GALNTL6: variants seen among roughly 807,000 people sequenced by gnomAD.
GALNTL6 encodes the protein polypeptide N-acetylgalactosaminyltransferase like 6, also known as polypeptide N-acetylgalactosaminyltransferase-like 6.
A neutral mutation model predicts 73.7 loss-of-function variants in GALNTL6; 46 were observed. That is an observed-to-expected ratio of 0.62 (90% CI 0.49 to 0.80). The LOEUF (loss-of-function observed/expected upper bound fraction) is 0.80, where lower values mean the gene tolerates loss of function less well. Among genes scored for constraint, GALNTL6 ranks in the 30% least tolerant of loss-of-function variants. The pLI, the probability that GALNTL6 is intolerant of heterozygous loss-of-function variation, is 0.00. For missense variants in GALNTL6, 604 were observed against 755.0 expected (o/e 0.80, Z 2.34); for synonymous variants, 259 against 263.7 (o/e 0.98, Z 0.17).
intron 2 of GALNTL6, among the ~76,000 whole-genome samples, chr4:172,021,171 G>T (rs1439329349): frequency 6.6e-6 from 1 of 152,002 alleles, no homozygotes; most frequent in Non-Finnish European, 1.5e-5. Flanking sequence ...ACTGCAGCTA[G>T]TGTCATATCG....
At chr4:172,238,631 A>G (rs915416875) in intron 3 of GALNTL6, among the ~76,000 whole-genome samples, 1 of 152,036 alleles carries the variant, frequency 6.6e-6, no homozygotes, top group Non-Finnish European at 1.5e-5. Flanking sequence ...GACTTTCAGT[A>G]CTATATTGAA....
At position 173,016,917 on chromosome 4, in the gene GALNTL6, G is replaced by T. The variant is rs186278701; in HGVS notation, c.1489-4559G>T. 4.3e-4 allele frequency among the ~76,000 whole-genome samples: 65 copies of T among 152,248 alleles called. No homozygotes were observed. The East Asian group carries it at 0.01, about 24-fold the overall frequency. On this transcript the variant is annotated intron_variant, in intron 11 of 12. Transcript: ENST00000506823. ...CCACATGTTGTGGGAGGGACCCAGT[G>T]GGAGGTAATTTGATCATGGGGGTGG...
intron 2 of GALNTL6, among the ~76,000 whole-genome samples, chr4:171,996,147 GA>G (rs574691963): frequency 5.1e-4 from 77 of 152,118 alleles, no homozygotes; most frequent in African/African-American, 1.7e-3. Flanking sequence ...GTGCTTCTCT[GA>G]AATAGTGATA....
intron 2 of GALNTL6, among the ~76,000 whole-genome samples, chr4:172,146,142 C>A (rs1208563801): frequency 6.6e-6 from 1 of 152,094 alleles, no homozygotes; most frequent in Non-Finnish European, 1.5e-5. Context: ...GAATAGAATT[C>A]CCTTATTACA....
intron 10 of GALNTL6, among the ~76,000 whole-genome samples, chr4:172,969,992 G>A (rs184899508): frequency 0.015 from 2,343 of 152,210 alleles, 24 homozygotes; most frequent in Non-Finnish European, 0.024. Context: ...GTGACATCAC[G>A]TATTGGTAGG....
chr4:172,873,033 A>C (rs561539258), intron 7 of GALNTL6, among the ~76,000 whole-genome samples: 1 of 152,342 alleles, frequency 6.6e-6, no homozygotes, highest in South Asian at 2.1e-4. Flanking sequence ...AGAAATCTGC[A>C]TGTATTATTC....
chr4:172,251,240 G>T (rs952651138), intron 3 of GALNTL6, among the ~76,000 whole-genome samples: 18 of 152,146 alleles, frequency 1.2e-4, no homozygotes, highest in Non-Finnish European at 2.2e-4. Flanking sequence ...AGGGAGGTTA[G>T]TCTTTGTCTT....
intron 2 of GALNTL6, among the ~76,000 whole-genome samples, chr4:171,846,887 CATAATTATATGTAATTATATATACAT>C (rs61579471): frequency 0.73 from 100,317 of 136,790 alleles, 37,870 homozygotes; most frequent in South Asian, 0.86. Flanking sequence ...ATTATATACA[CATAATTATATGTAATTATATATACAT>C]ATAATTATAT....
chr4:172,159,050 T>C (rs1457572809), intron 2 of GALNTL6, among the ~76,000 whole-genome samples: 2 of 152,222 alleles, frequency 1.3e-5, no homozygotes, highest in Non-Finnish European at 2.9e-5. Flanking sequence ...GTTCATTTTT[T>C]ATTTAGCCAC....
chr4:172,567,992 G>A (rs1241012295), intron 5 of GALNTL6, among the ~76,000 whole-genome samples: 2 of 152,108 alleles, frequency 1.3e-5, no homozygotes, highest in African/African-American at 4.8e-5. Flanking sequence ...AGTTGATATA[G>A]ATAACTAAAA....
chr4:172,088,733 A>G (rs1198717734), intron 2 of GALNTL6, among the ~76,000 whole-genome samples: 2 of 152,170 alleles, frequency 1.3e-5, no homozygotes, highest in Admixed American at 1.3e-4. Flanking sequence ...TCTCTTTAGC[A>G]TATCTGGTTT....
chr4:172,182,553 CAA>C (rs34354883), intron 2 of GALNTL6, among the ~76,000 whole-genome samples: 6,553 of 127,394 alleles, frequency 0.051, 155 homozygotes, highest in Non-Finnish European at 0.065. Flanking sequence ...TGAAAAATAC[CAA>C]AAAAAAAAAA....
At chr4:171,815,729 T>A (rs1187310851) in intron 2 of GALNTL6, 1 of 152,214 alleles carries the variant, frequency 6.6e-6, no homozygotes, top group Admixed American at 6.5e-5. Flanking sequence ...GTTGAAGTAG[T>A]CCATTCCTGG....
chr4:172,055,869 A>G (rs78558892), intron 2 of GALNTL6, among the ~76,000 whole-genome samples: 1,977 of 152,272 alleles, frequency 0.013, 42 homozygotes, highest in African/African-American at 0.044. Flanking sequence ...TAGCCCACTC[A>G]GGGTTTATTA....
At chr4:172,688,228 C>T (rs1733050166) in intron 5 of GALNTL6, among the ~76,000 whole-genome samples, 1 of 152,166 alleles carries the variant, frequency 6.6e-6, no homozygotes, top group Admixed American at 6.5e-5. Context: ...TATTAACAAC[C>T]TAGGTAGCAT....
At chr4:171,847,738 T>C (rs1560811784) in intron 2 of GALNTL6, among the ~76,000 whole-genome samples, 1 of 152,162 alleles carries the variant, frequency 6.6e-6, no homozygotes, top group Non-Finnish European at 1.5e-5. Flanking sequence ...CCTCATCCCT[T>C]CACGTTTTAT....
intron 5 of GALNTL6, among the ~76,000 whole-genome samples, chr4:172,450,823 T>C (rs1579082855): frequency 1.3e-5 from 2 of 152,264 alleles, no homozygotes; most frequent in East Asian, 3.8e-4. Flanking sequence ...TCAACTCAAA[T>C]GTTTTCTTCT....
intron 5 of GALNTL6, among the ~76,000 whole-genome samples, chr4:172,492,026 A>G (rs1733913875): frequency 1.3e-5 from 2 of 152,118 alleles, no homozygotes; most frequent in African/African-American, 4.8e-5. Flanking sequence ...GCCAGGTACT[A>G]TGTTAGGCTA....
chr4:171,843,997 T>C (rs1735307479), intron 2 of GALNTL6, among the ~76,000 whole-genome samples: 1 of 152,178 alleles, frequency 6.6e-6, no homozygotes, highest in Non-Finnish European at 1.5e-5. Context: ...CTTCAAAATA[T>C]CTGTAACAAG....
Sources: gnomAD v4.1 joint callset for allele counts (sites outside exome capture counted in the v4.1 genomes callset) on GRCh38, gnomAD v4.1.1 for gene constraint, MANE v1.5 for transcripts, NCBI Gene and HGNC (gene_info 2026-07-23, HGNC 2026-07-21) for gene names.